Variants in SNTG1 observed in about 807,000 individuals in gnomAD.
The protein encoded by SNTG1 is syntrophin gamma 1.
SNTG1 carries 39 observed loss-of-function variants against 74.7 expected under a neutral mutation model. That is an observed-to-expected ratio of 0.52 (90% confidence interval 0.40 to 0.68). The LOEUF (loss-of-function observed/expected upper bound fraction) is 0.68, where lower values mean the gene tolerates loss of function less well. SNTG1 is among the 30% of genes least tolerant of loss of function. The pLI is 0.00. For synonymous variants in SNTG1, 254 were observed against 217.1 expected (o/e 1.17, Z -1.49); for missense variants, 685 against 609.5 (o/e 1.12, Z -1.30).
chr8:50,774,670 A>G (rs1429910984), intron 18 of SNTG1, among the ~76,000 whole-genome samples: 2 of 151,754 alleles, frequency 1.3e-5, no homozygotes, highest in African/African-American at 4.8e-5. Context: ...AATTCAATAT[A>G]AGTGACAGTA....
intron 18 of SNTG1, among the ~76,000 whole-genome samples, chr8:50,784,452 AT>A (rs2095668944): frequency 6.6e-6 from 1 of 152,234 alleles, no homozygotes; most frequent in Non-Finnish European, 1.5e-5. Flanking sequence ...TAAAAAGGGC[AT>A]TTTATAATGA....
intron 4 of SNTG1, among the ~76,000 whole-genome samples, chr8:50,404,789 G>T (rs944439587): frequency 6.6e-6 from 1 of 151,934 alleles, no homozygotes; most frequent in African/African-American, 2.4e-5. Flanking sequence ...AACTCTGTAC[G>T]CATTAAACAG....
At chr8:50,474,349 A>C (rs992006701) in intron 8 of SNTG1, among the ~76,000 whole-genome samples, 1 of 151,904 alleles carries the variant, frequency 6.6e-6, no homozygotes, top group African/African-American at 2.4e-5. Flanking sequence ...TAATATCCAG[A>C]ATCTACAATG....
chr8:50,635,722 A>G (rs1160448077), intron 13 of SNTG1, among the ~76,000 whole-genome samples: 1 of 152,182 alleles, frequency 6.6e-6, no homozygotes, highest in African/African-American at 2.4e-5. Flanking sequence ...GGGGTCAGAA[A>G]TGCCATCCAA....
chr8:50,745,551 C>A (rs1219718591), intron 17 of SNTG1, among the ~76,000 whole-genome samples: 3 of 151,974 alleles, frequency 2.0e-5, no homozygotes, highest in African/African-American at 7.2e-5. Flanking sequence ...AGTGCAGCTT[C>A]TCAGTATATA....
chr8:50,384,130 A>G (rs1219456517), intron 2 of SNTG1, among the ~76,000 whole-genome samples: 3 of 152,176 alleles, frequency 2.0e-5, no homozygotes, highest in Non-Finnish European at 1.5e-5. Context: ...TATATTGAAC[A>G]TATACAGCTT....
At chr8:50,207,208 G>C (rs1231561914) in intron 2 of SNTG1, among the ~76,000 whole-genome samples, 10 of 151,974 alleles carry the variant, frequency 6.6e-5, no homozygotes, top group Non-Finnish European at 1.5e-5. Context: ...GACTTTTTTT[G>C]GTTGGTAAGC....
At chr8:50,398,443 A>G (rs113160176) in intron 3 of SNTG1, among the ~76,000 whole-genome samples, 10 of 152,092 alleles carry the variant, frequency 6.6e-5, no homozygotes, top group African/African-American at 1.9e-4. Flanking sequence ...ATCTTTACTC[A>G]TGTGTTCCCT....
chr8:50,562,948 C>A (rs1449597479), intron 12 of SNTG1, among the ~76,000 whole-genome samples: 1 of 152,144 alleles, frequency 6.6e-6, no homozygotes, highest in Non-Finnish European at 1.5e-5. Context: ...GCAGTCTGAG[C>A]AAGGACTGTC....
At chr8:50,214,532 A>T (rs1563750586) in intron 2 of SNTG1, among the ~76,000 whole-genome samples, 1 of 152,166 alleles carries the variant, frequency 6.6e-6, no homozygotes, top group Non-Finnish European at 1.5e-5. Context: ...AACAGTTTTC[A>T]CCTACAGGGA....
chr8:50,688,335 C>T (rs189514892), intron 15 of SNTG1, among the ~76,000 whole-genome samples: 2,445 of 152,206 alleles, frequency 0.016, 28 homozygotes, highest in Non-Finnish European at 0.024. Flanking sequence ...CTCGCCCATG[C>T]CTATGTCCTG....
intron 1 of SNTG1, among the ~76,000 whole-genome samples, chr8:49,980,359 C>T (rs956941563): frequency 6.6e-6 from 1 of 151,916 alleles, no homozygotes; most frequent in African/African-American, 2.4e-5. Context: ...GTAGCTTCAG[C>T]TGTAGCAGAC....
At chr8:50,512,299 G>A (rs2094086204) in intron 9 of SNTG1, among the ~76,000 whole-genome samples, 1 of 151,762 alleles carries the variant, frequency 6.6e-6, no homozygotes, top group African/African-American at 2.4e-5. Context: ...TTAGTCTAAT[G>A]GACTTCCCTT....
intron 2 of SNTG1, among the ~76,000 whole-genome samples, chr8:50,244,965 T>C (rs1424863389): frequency 6.6e-6 from 1 of 152,208 alleles, no homozygotes; most frequent in Non-Finnish European, 1.5e-5. Context: ...AAAGTATGAT[T>C]CATGTTAATA....
Position 50,487,493 on chromosome 8 carries a change from G to C in SNTG1, c.364-15285G>C, listed in dbSNP as rs193187007. Among the ~76,000 whole-genome samples, 992 of 152,282 alleles carry C rather than the reference G, an allele frequency of 6.5e-3. 4 individuals are homozygous for C. The highest frequency in any genetic ancestry group is 0.044 in the Middle Eastern group (13 of 294). On this transcript the variant is annotated intron_variant, in intron 8 of 18. Coordinates refer to ENST00000642720, the MANE Select transcript of SNTG1 (RefSeq NM_018967.5). ...GAAAATGTGGCACATTTACACCATGGAATACTATGCAGCCATAAAAAATGA... is the reference window on the plus strand; with the variant it reads ...GAAAATGTGGCACATTTACACCATGCAATACTATGCAGCCATAAAAAATGA...
chr8:50,035,416 C>T (rs893800426), intron 1 of SNTG1, among the ~76,000 whole-genome samples: 1 of 152,294 alleles, frequency 6.6e-6, no homozygotes, highest in Admixed American at 6.5e-5. Context: ...TGAACACTCC[C>T]TGTGTTTCAG....
intron 17 of SNTG1, among the ~76,000 whole-genome samples, chr8:50,737,207 T>TA (rs1563794975): frequency 6.6e-6 from 1 of 151,198 alleles, no homozygotes; most frequent in Non-Finnish European, 1.5e-5. Flanking sequence ...ATAGAAACAA[T>TA]AAAAAACAAT....
chr8:50,678,986 T>G (rs2095320640), intron 15 of SNTG1, among the ~76,000 whole-genome samples: 1 of 152,088 alleles, frequency 6.6e-6, no homozygotes. Context: ...TTGGAGGTAT[T>G]GGTTAAAATG....
At chr8:50,136,012 C>T (rs2081463356) in intron 1 of SNTG1, among the ~76,000 whole-genome samples, 3 of 152,102 alleles carry the variant, frequency 2.0e-5, no homozygotes. Context: ...TATTTGGTTT[C>T]CTGCCCCTGT....
Sources: allele counts gnomAD v4.1 joint callset (sites outside exome capture counted in the v4.1 genomes callset), GRCh38; gene constraint gnomAD v4.1.1; transcripts MANE v1.5; gene names NCBI Gene and HGNC (gene_info 2026-07-23, HGNC 2026-07-21).